Variants in PCDHGA2 observed in about 807,000 individuals in gnomAD.
PCDHGA2 encodes protocadherin gamma subfamily A, 2, also known as protocadherin gamma-A2.
A neutral mutation model predicts 59.2 loss-of-function variants in PCDHGA2; 40 were observed. That is an observed-to-expected ratio of 0.68 (90% CI 0.52 to 0.88). PCDHGA2 has a LOEUF of 0.88. PCDHGA2 is among the 40% of genes least tolerant of loss of function. The probability of loss-of-function intolerance (pLI) is 0.00; values close to 1 mark genes in which losing one functional copy is unlikely to be tolerated. For synonymous variants in PCDHGA2, 560 were observed against 526.0 expected (o/e 1.06, Z -0.89); for missense variants, 1,226 against 1,204.0 (o/e 1.02, Z -0.27).
At chr5:141,345,283 AAT>A in intron 1 of PCDHGA2, 3 of 1,613,996 alleles carry the variant, frequency 1.9e-6, no homozygotes, top group Non-Finnish European at 2.5e-6. Context: ...CAAATATCAG[AAT>A]ATAACATTAG....
chr5:141,361,416 G>A (rs1464562844), intron 1 of PCDHGA2: 2 of 1,613,876 alleles, frequency 1.2e-6, no homozygotes, highest in Admixed American at 1.7e-5. Context: ...CCACCGACGG[G>A]GGCAAGCCGC....
At chr5:141,496,021 G>T (rs1011612662) in intron 2 of PCDHGA2, among the ~76,000 whole-genome samples, 2 of 151,336 alleles carry the variant, frequency 1.3e-5, no homozygotes, top group African/African-American at 4.9e-5. Flanking sequence ...TTTTCTCTGA[G>T]CCTCTGTCTC....
chr5:141,381,194 A>G (rs1490314402), intron 1 of PCDHGA2, among the ~76,000 whole-genome samples: 2 of 152,234 alleles, frequency 1.3e-5, no homozygotes, highest in African/African-American at 4.8e-5. Context: ...AAGCTTTCTT[A>G]GTGTTAGTTC....
intron 1 of PCDHGA2, chr5:141,383,004 G>C: frequency 6.2e-7 from 1 of 1,613,698 alleles, no homozygotes; most frequent in Non-Finnish European, 8.5e-7. Flanking sequence ...TCTACTCCGT[G>C]TCGGAGGAGA....
chr5:141,489,470 T>C lies in PCDHGA2; in HGVS notation c.2425-5337T>C, dbSNP rs1030378524. 1 of 1,613,874 alleles carries C rather than the reference T, an allele frequency of 6.2e-7. No homozygotes were observed. The highest frequency in any genetic ancestry group is 8.5e-7 in the Non-Finnish European group (1 of 1,179,838). ...GAGGAGAATGGGCGCTATTTTTCCCTGAGCTTGATGAGTGGTGCCCTGGCA... is the reference window on the plus strand; with the variant it reads ...GAGGAGAATGGGCGCTATTTTTCCCCGAGCTTGATGAGTGGTGCCCTGGCA... On this transcript the variant is annotated intron_variant, in intron 1 of 3. Transcript: ENST00000394576. This position sits in a 1 kb window ranked among gnomAD's most constrained non-coding sequence, Gnocchi z 4.5.
chr5:141,430,967 G>A lies in PCDHGA2; in HGVS notation c.2425-63840G>A, dbSNP rs746992307. 5 of 1,613,256 alleles carry A rather than the reference G, an allele frequency of 3.1e-6. No individual in the cohort carries two copies. In the East Asian group the frequency reaches 6.7e-5, roughly 22 times the overall value. On this transcript the variant is annotated intron_variant, in intron 1 of 3. Coordinates refer to ENST00000394576, the MANE Select transcript of PCDHGA2 (RefSeq NM_018915.4). ...GCGCGGAGTCCGCATCATCCCCAGA[G>A]GTAGGACGCAGCTTTTCGCCCTGAA... is the stretch of plus-strand genomic sequence containing the variant.
At chr5:141,455,389 G>C (rs1190144149) in intron 1 of PCDHGA2, among the ~76,000 whole-genome samples, 1 of 152,114 alleles carries the variant, frequency 6.6e-6, no homozygotes, top group Non-Finnish European at 1.5e-5. Flanking sequence ...GAAGGAAGGA[G>C]CTCCCCCTTA....
intron 2 of PCDHGA2, among the ~76,000 whole-genome samples, chr5:141,503,998 A>G (rs746158378): frequency 4.6e-5 from 7 of 152,104 alleles, no homozygotes; most frequent in Admixed American, 1.3e-4. Context: ...CCTTACAGTC[A>G]CTTAACTGTC....
chr5:141,474,169 T>C (rs1268235616), intron 1 of PCDHGA2, among the ~76,000 whole-genome samples: 2 of 152,232 alleles, frequency 1.3e-5, no homozygotes, highest in Non-Finnish European at 2.9e-5. Context: ...GGCCTTATTA[T>C]TGAGAAAACT....
intron 1 of PCDHGA2, among the ~76,000 whole-genome samples, chr5:141,472,071 A>G (rs1243864250): frequency 6.6e-6 from 1 of 152,200 alleles, no homozygotes. Context: ...GTCTGTGGTT[A>G]TATCAATGAG....
chr5:141,398,689 G>A (rs6867460), intron 1 of PCDHGA2: 228,699 of 1,613,720 alleles, frequency 0.14, 18,438 homozygotes, highest in African/African-American at 0.32. Context: ...GAAACAGGAT[G>A]GTAGTAAATA....
chr5:141,476,584 C>T lies in PCDHGA2; in HGVS notation c.2425-18223C>T. 6.2e-7 allele frequency: 1 copy of T among 1,614,218 alleles called. No individual in the cohort carries two copies. The highest frequency in any genetic ancestry group is 8.5e-7 in the Non-Finnish European group (1 of 1,180,042). ...TGGCTCCGGGGACGCGCTTTCCGCTCGAGAGCGCGCACGATCCCGATGTGG... is the reference window on the plus strand; with the variant it reads ...TGGCTCCGGGGACGCGCTTTCCGCTTGAGAGCGCGCACGATCCCGATGTGG... On this transcript the variant is annotated intron_variant, in intron 1 of 3. Coordinates refer to ENST00000394576, the MANE Select transcript of PCDHGA2 (RefSeq NM_018915.4). The surrounding 1 kb of genome is among the most constrained non-coding windows in gnomAD (Gnocchi z 7.6).
At chr5:141,360,456 T>A (rs1588550793) in intron 1 of PCDHGA2, 1 of 1,613,990 alleles carries the variant, frequency 6.2e-7, no homozygotes, top group Non-Finnish European at 8.5e-7. Flanking sequence ...TGGATTTCGA[T>A]ACTGTCGCTG....
chr5:141,394,171 C>T (rs115102808), intron 1 of PCDHGA2: 17,700 of 1,613,924 alleles, frequency 0.011, 141 homozygotes, highest in Non-Finnish European at 0.013. Flanking sequence ...CCTACTTTCC[C>T]TCATGCCTCC....
At chr5:141,352,340 T>A in intron 1 of PCDHGA2, 1 of 1,614,076 alleles carries the variant, frequency 6.2e-7, no homozygotes, top group South Asian at 1.1e-5. Context: ...GGCCTTGGCC[T>A]TGATCTCAGT....
Position 141,485,113 on chromosome 5 carries a change from T to G in PCDHGA2, c.2425-9694T>G. On this transcript the variant is annotated intron_variant, in intron 1 of 3. Transcript: ENST00000394576. This position sits in a 1 kb window ranked among gnomAD's most constrained non-coding sequence, Gnocchi z 5.7. ...AGGTGTCTCCAGCTGCTGTGGCTGTTTGGGGCGGGTCGGCTTCATCCGCGT... is the reference window on the plus strand; with the variant it reads ...AGGTGTCTCCAGCTGCTGTGGCTGTGTGGGGCGGGTCGGCTTCATCCGCGT... 1 of 1,286,014 alleles carries G rather than the reference T, an allele frequency of 7.8e-7. No individual in the cohort carries two copies. Among genetic ancestry groups the G allele is most frequent in the Non-Finnish European group, 1.1e-6 (1 of 898,642 alleles). 79.7% of individuals were successfully genotyped at this position (1,286,014 alleles called of 1,614,324 possible). A position where few individuals can be genotyped will look rare whatever the true frequency, so the allele number is the denominator to read the frequency against.
intron 1 of PCDHGA2, chr5:141,478,520 G>C (rs1474701976): frequency 1.2e-6 from 2 of 1,610,510 alleles, no homozygotes; most frequent in East Asian, 4.5e-5. Context: ...GCAGGTGTTG[G>C]GTGCAGAGAG....
At chr5:141,391,803 G>A (rs953210867) in intron 1 of PCDHGA2, 5 of 152,172 alleles carry the variant, frequency 3.3e-5, no homozygotes, top group African/African-American at 1.2e-4. Flanking sequence ...TTAGATCAAA[G>A]TGTTAATGTA....
intron 1 of PCDHGA2, chr5:141,400,304 G>A (rs760976345): frequency 4.3e-6 from 7 of 1,613,930 alleles, no homozygotes; most frequent in African/African-American, 1.3e-5. Context: ...TTCCAACCTG[G>A]TCTCTGTGTC....
Sources: gnomAD v4.1 joint callset for allele counts (sites outside exome capture counted in the v4.1 genomes callset) on GRCh38, gnomAD v4.1.1 for gene constraint, Gnocchi (gnomAD v3.1) non-coding constraint, MANE v1.5 for transcripts, NCBI Gene and HGNC (gene_info 2026-07-23, HGNC 2026-07-21) for gene names.